The following USP32 variants were observed in gnomAD, a reference collection of about 807,000 sequenced individuals.
USP32 encodes ubiquitin specific peptidase 32.
A neutral mutation model predicts 204.8 loss-of-function variants in USP32; 59 were observed. The observed-to-expected ratio is 0.29, with a 90% CI of 0.23 to 0.36. The LOEUF (loss-of-function observed/expected upper bound fraction) is 0.36, where lower values mean the gene tolerates loss of function less well. Among genes scored for constraint, USP32 ranks in the 10% least tolerant of loss-of-function variants. The pLI, the probability that USP32 is intolerant of heterozygous loss-of-function variation, is 1.00. For synonymous variants in USP32, 517 were observed against 678.4 expected, an observed-to-expected ratio of 0.76 and a Z score of 3.70; for missense variants, 1,160 against 1,946.4, an observed-to-expected ratio of 0.60 and a Z score of 7.60.
intron 4 of USP32, among the ~76,000 whole-genome samples, chr17:60,294,318 T>C (rs565310336): frequency 5.4e-4 from 82 of 152,214 alleles, no homozygotes; most frequent in African/African-American, 1.9e-3. Flanking sequence ...GGCTAATGAA[T>C]GAATGATATC....
chr17:60,316,098 G>A (rs964228885), intron 2 of USP32: 4 of 252,294 alleles, frequency 1.6e-5, no homozygotes, highest in South Asian at 8.4e-5. Flanking sequence ...TGCTCTGCAG[G>A]AGGCAAATGA....
chr17:60,376,872 G>C (rs1598300059), intron 1 of USP32, among the ~76,000 whole-genome samples: 1 of 152,112 alleles, frequency 6.6e-6, no homozygotes, highest in Non-Finnish European at 1.5e-5. Context: ...TCAGTTATCA[G>C]TTGGATAAAA....
intron 2 of USP32, among the ~76,000 whole-genome samples, chr17:60,334,553 G>A (rs1567858440): frequency 6.6e-6 from 1 of 150,376 alleles, no homozygotes; most frequent in Non-Finnish European, 1.5e-5. Flanking sequence ...TTAGCCGGGC[G>A]TGGTTGCAGG....
At chr17:60,269,171 A>G (rs977183039) in intron 7 of USP32, among the ~76,000 whole-genome samples, 8 of 152,234 alleles carry the variant, frequency 5.3e-5, no homozygotes, top group African/African-American at 1.9e-4. Flanking sequence ...TTTCAATTAC[A>G]TCATAGCTGA....
At chr17:60,419,976 C>T (rs1349249327) in intron 1 of USP32, among the ~76,000 whole-genome samples, 5 of 149,162 alleles carry the variant, frequency 3.4e-5, no homozygotes, top group African/African-American at 1.2e-4. Context: ...TCTCCTGCCT[C>T]AGCCTCCTGA....
At chr17:60,328,316 C>A (rs1396023545) in intron 2 of USP32, among the ~76,000 whole-genome samples, 2 of 152,052 alleles carry the variant, frequency 1.3e-5, no homozygotes, top group Non-Finnish European at 2.9e-5. Context: ...GATGATGGGA[C>A]CACCAGGTGC....
chr17:60,265,028 T>C (rs1252351743), intron 9 of USP32, among the ~76,000 whole-genome samples: 7 of 152,192 alleles, frequency 4.6e-5, no homozygotes, highest in Non-Finnish European at 1.0e-4. Context: ...TTTGCTTCTG[T>C]GTTCTTCGAC....
chr17:60,267,373 C>G (rs2086620839), intron 7 of USP32, among the ~76,000 whole-genome samples: 1 of 152,080 alleles, frequency 6.6e-6, no homozygotes, highest in South Asian at 2.1e-4. Flanking sequence ...CCCTGCACTC[C>G]AGCCCAAGCA....
At chr17:60,267,391 G>A (rs1003332556) in intron 7 of USP32, among the ~76,000 whole-genome samples, 5 of 152,164 alleles carry the variant, frequency 3.3e-5, no homozygotes, top group Admixed American at 1.3e-4. Context: ...GCAACAGTGC[G>A]AGACTTCGTC....
chr17:60,355,845 A>AAG (rs1269398067), intron 1 of USP32, among the ~76,000 whole-genome samples: 1 of 140,924 alleles, frequency 7.1e-6, no homozygotes, highest in African/African-American at 3.1e-5. Context: ...AAAAAAAAAA[A>AAG]AGAGAGAGAA....
chr17:60,371,429 C>T (rs113743603), intron 1 of USP32, among the ~76,000 whole-genome samples: 148 of 151,762 alleles, frequency 9.8e-4, no homozygotes, highest in African/African-American at 3.2e-3. Context: ...CAGCCAGGTG[C>T]GGTGGCACAC....
intron 1 of USP32, among the ~76,000 whole-genome samples, chr17:60,398,330 A>G (rs2089913007): frequency 6.6e-6 from 1 of 152,160 alleles, no homozygotes; most frequent in African/African-American, 2.4e-5. Flanking sequence ...TGAAAAGTAG[A>G]GCTACAGTTA....
At chr17:60,371,288 C>T (rs902699440) in intron 1 of USP32, among the ~76,000 whole-genome samples, 7 of 149,352 alleles carry the variant, frequency 4.7e-5, no homozygotes, top group African/African-American at 2.5e-5. Context: ...ATTAAATGGC[C>T]GGGCGCAGTG....
intron 2 of USP32, among the ~76,000 whole-genome samples, chr17:60,323,278 T>C (rs2088155934): frequency 6.6e-6 from 1 of 152,308 alleles, no homozygotes; most frequent in African/African-American, 2.4e-5. Flanking sequence ...AAATGTTATA[T>C]ATATATGCAT....
intron 11 of USP32, among the ~76,000 whole-genome samples, chr17:60,250,271 A>G (rs909594460): frequency 1.3e-5 from 2 of 152,174 alleles, no homozygotes; most frequent in African/African-American, 4.8e-5. Context: ...ATGTAACTAC[A>G]TGTATTTTAC....
At chr17:60,184,362 C>T (rs1452973496) in intron 30 of USP32, among the ~76,000 whole-genome samples, 1 of 151,320 alleles carries the variant, frequency 6.6e-6, no homozygotes, top group Non-Finnish European at 1.5e-5. Context: ...CACCTTGTCT[C>T]CAAGCCTGCC....
chr17:60,333,758 AAGAAG>A (rs944424558), intron 2 of USP32, among the ~76,000 whole-genome samples: 19 of 152,082 alleles, frequency 1.2e-4, no homozygotes, highest in African/African-American at 4.3e-4. Context: ...GAAAATCGTA[AAGAAG>A]AGAAAATACA....
At chr17:60,335,975 G>C (rs2088507006) in intron 2 of USP32, among the ~76,000 whole-genome samples, 1 of 142,648 alleles carries the variant, frequency 7.0e-6, no homozygotes, top group African/African-American at 3.0e-5. Context: ...AGACTCACTT[G>C]GATAGGATCC....
At chr17:60,324,391 A>G (rs1326435125) in intron 2 of USP32, among the ~76,000 whole-genome samples, 1 of 152,020 alleles carries the variant, frequency 6.6e-6, no homozygotes, top group Admixed American at 6.5e-5. Flanking sequence ...TGATTCGAAA[A>G]AGACTATCTC....
Sources: allele counts gnomAD v4.1 joint callset (sites outside exome capture counted in the v4.1 genomes callset), GRCh38; gene constraint gnomAD v4.1.1; transcripts MANE v1.5; gene names NCBI Gene and HGNC (gene_info 2026-07-23, HGNC 2026-07-21).